The following FBXL20 variants were observed in gnomAD, a reference collection of about 807,000 sequenced individuals.
FBXL20 encodes F-box and leucine rich repeat protein 20.
In FBXL20, 11 loss-of-function variants were observed where a neutral mutation model predicts 64.0. That is an observed-to-expected ratio of 0.17 (90% CI 0.11 to 0.28). FBXL20 has a LOEUF of 0.28. Ranked by LOEUF, FBXL20 falls within the 10% of genes least tolerant of loss-of-function variation. The pLI, the probability that FBXL20 is intolerant of heterozygous loss-of-function variation, is 1.00. For missense variants in FBXL20, 303 were observed against 526.2 expected, an observed-to-expected ratio of 0.58 and a Z score of 4.15; for synonymous variants, 184 against 189.0, an observed-to-expected ratio of 0.97 and a Z score of 0.22.
intron 1 of FBXL20, among the ~76,000 whole-genome samples, chr17:39,391,927 AGGC>A (rs1381357127): frequency 3.3e-5 from 5 of 150,154 alleles, no homozygotes; most frequent in Non-Finnish European, 5.9e-5. Context: ...GTGGATCACA[AGGC>A]CAGGAGTTCG....
At chr17:39,359,528 G>A (rs778576092) in intron 1 of FBXL20, among the ~76,000 whole-genome samples, 10 of 152,070 alleles carry the variant, frequency 6.6e-5, no homozygotes, top group Admixed American at 2.0e-4. Flanking sequence ...GCTTGAACCC[G>A]GGAGGCGGAG....
chr17:39,325,833 A>G (rs1028923382), intron 2 of FBXL20, among the ~76,000 whole-genome samples: 2 of 150,926 alleles, frequency 1.3e-5, no homozygotes, highest in African/African-American at 4.9e-5. Flanking sequence ...ACTATCTGCT[A>G]AAAAAAAATA....
chr17:39,381,855 G>A (rs1035930775), intron 1 of FBXL20, among the ~76,000 whole-genome samples: 1 of 150,558 alleles, frequency 6.6e-6, no homozygotes, highest in African/African-American at 2.4e-5. Context: ...CCAGCACTTC[G>A]GGAAGCCGAG....
At position 39,275,102 on chromosome 17, in the gene FBXL20, T is replaced by TA. The variant is rs34511351; in HGVS notation, c.697-3dup. On this transcript the variant is annotated splice_polypyrimidine_tract_variant and splice_region_variant and intron_variant, in intron 9 of 14. Transcript: ENST00000264658. ...AATGAGACCTTCATCTGTGATTTGC[T>TA]AAAAAACAAGAGCAAAAAAATCCAT... The TA allele has an allele frequency of 6.3e-6, 10 of 1,597,564 alleles. No individual in the cohort carries two copies. The South Asian group carries it at 8.1e-5, about 13-fold the overall frequency.
At chr17:39,367,853 T>G (rs937809713) in intron 1 of FBXL20, among the ~76,000 whole-genome samples, 43 of 151,986 alleles carry the variant, frequency 2.8e-4, no homozygotes, top group African/African-American at 1.0e-3. Flanking sequence ...AACTTCAGCC[T>G]CCCAGGTTCA....
chr17:39,341,833 T>C (rs1265724819), intron 2 of FBXL20, among the ~76,000 whole-genome samples: 1 of 152,230 alleles, frequency 6.6e-6, no homozygotes, highest in African/African-American at 2.4e-5. Flanking sequence ...TTTCTCCTCA[T>C]CGAACTTCAC....
At chr17:39,285,424 T>C in intron 7 of FBXL20, 54 bp downstream of exon 7, 2 of 1,234,278 alleles carry the variant, frequency 1.6e-6, no homozygotes, top group East Asian at 5.2e-5. Context: ...AATTATTTTT[T>C]TAAAATATGT....
intron 10 of FBXL20, among the ~76,000 whole-genome samples, chr17:39,273,503 T>C (rs1044875846): frequency 6.6e-6 from 1 of 152,162 alleles, no homozygotes. Flanking sequence ...TTACTTTGTC[T>C]CTTTGTGCTT....
intron 11 of FBXL20, among the ~76,000 whole-genome samples, chr17:39,269,497 C>T (rs960035047): frequency 1.8e-4 from 22 of 124,222 alleles, no homozygotes; most frequent in Non-Finnish European, 3.3e-5. Flanking sequence ...CCGGCCTTTC[C>T]TCTTTTTTTT....
At chr17:39,374,807 G>A (rs1385285941) in intron 1 of FBXL20, among the ~76,000 whole-genome samples, 2 of 151,720 alleles carry the variant, frequency 1.3e-5, no homozygotes, top group Non-Finnish European at 1.5e-5. Flanking sequence ...TTTTTTCCCT[G>A]AGATGGAGTC....
At chr17:39,302,898 T>C (rs2047150531) in intron 3 of FBXL20, among the ~76,000 whole-genome samples, 1 of 151,926 alleles carries the variant, frequency 6.6e-6, no homozygotes, top group African/African-American at 2.4e-5. Context: ...GAAAAGATAC[T>C]ATCATTGCTC....
At chr17:39,372,355 C>A (rs930178368) in intron 1 of FBXL20, among the ~76,000 whole-genome samples, 4 of 151,382 alleles carry the variant, frequency 2.6e-5, no homozygotes, top group Non-Finnish European at 4.4e-5. Context: ...CCCGTCTCTA[C>A]TTAAAATACA....
At chr17:39,271,426 C>T (rs1236180058) in intron 10 of FBXL20, among the ~76,000 whole-genome samples, 1 of 150,228 alleles carries the variant, frequency 6.7e-6, no homozygotes, top group African/African-American at 2.5e-5. Flanking sequence ...GGTGAAACCC[C>T]ATTTCTACCA....
intron 1 of FBXL20, among the ~76,000 whole-genome samples, chr17:39,382,098 A>G (rs902512991): frequency 6.6e-6 from 1 of 150,644 alleles, no homozygotes. Flanking sequence ...GTCTCAAAAA[A>G]AAAAAAAAAA....
At chr17:39,355,582 G>C (rs143551167) in intron 1 of FBXL20, among the ~76,000 whole-genome samples, 3 of 151,290 alleles carry the variant, frequency 2.0e-5, no homozygotes, top group Non-Finnish European at 4.4e-5. Context: ...TGGGCCGGGC[G>C]CGGTGGCTCA....
intron 1 of FBXL20, among the ~76,000 whole-genome samples, chr17:39,383,683 A>G (rs1052136282): frequency 6.9e-6 from 1 of 144,986 alleles, no homozygotes; most frequent in African/African-American, 2.6e-5. Flanking sequence ...TCCGCCTCCC[A>G]GGTTCAAGCA....
intron 2 of FBXL20, among the ~76,000 whole-genome samples, chr17:39,307,534 T>C (rs1445593227): frequency 6.6e-6 from 1 of 152,192 alleles, no homozygotes; most frequent in Non-Finnish European, 1.5e-5. Flanking sequence ...CTTAATTATG[T>C]ACCAGGTATC....
chr17:39,266,062 ATT>A (rs1401042987), intron 12 of FBXL20, among the ~76,000 whole-genome samples: 1 of 105,576 alleles, frequency 9.5e-6, no homozygotes, highest in East Asian at 2.9e-4. Context: ...TACCTCATTC[ATT>A]CTTTTTTTTT....
intron 1 of FBXL20, 35 bp downstream of exon 1, chr17:39,401,326 C>T (rs375094365): frequency 1.3e-4 from 210 of 1,612,234 alleles, no homozygotes; most frequent in Non-Finnish European, 1.7e-4. Flanking sequence ...CGCGACCCGC[C>T]CTCCTCACGC....
Sources: gnomAD v4.1 joint callset for allele counts (sites outside exome capture counted in the v4.1 genomes callset) on GRCh38, gnomAD v4.1.1 for gene constraint, MANE v1.5 for transcripts, NCBI Gene and HGNC (gene_info 2026-07-23, HGNC 2026-07-21) for gene names.